The following COL8A1 variants were observed in gnomAD, a reference collection of about 807,000 sequenced individuals.
The protein encoded by COL8A1 is collagen alpha-1(VIII) chain.
A neutral mutation model predicts 42.7 loss-of-function variants in COL8A1; 21 were observed. That is an observed-to-expected ratio of 0.49 (90% CI 0.35 to 0.71). COL8A1 has a LOEUF of 0.71. Among genes scored for constraint, COL8A1 ranks in the 30% least tolerant of loss-of-function variants. The probability of loss-of-function intolerance (pLI) is 0.01; values close to 1 mark genes in which losing one functional copy is unlikely to be tolerated. For missense variants in COL8A1, 788 were observed against 962.4 expected (o/e 0.82, Z 2.40); for synonymous variants, 367 against 369.1 (o/e 0.99, Z 0.06).
At chr3:99,761,408 C>G (rs1160780869) in intron 2 of COL8A1, among the ~76,000 whole-genome samples, 1 of 152,064 alleles carries the variant, frequency 6.6e-6, no homozygotes, top group East Asian at 1.9e-4. Context: ...AATGAAGAGA[C>G]TGAGATTGAC....
chr3:99,721,497 C>G (rs1940154892), intron 1 of COL8A1, among the ~76,000 whole-genome samples: 1 of 151,190 alleles, frequency 6.6e-6, no homozygotes, highest in East Asian at 2.0e-4. Flanking sequence ...CCTGGATGGT[C>G]AGGGCTGAGA....
chr3:99,754,892 C>A (rs1293962562), intron 2 of COL8A1, among the ~76,000 whole-genome samples: 5 of 152,138 alleles, frequency 3.3e-5, no homozygotes, highest in Admixed American at 3.3e-4. Context: ...TTTCTTTGCA[C>A]CTGTATATGT....
At chr3:99,701,405 A>G (rs1939532964) in intron 1 of COL8A1, among the ~76,000 whole-genome samples, 1 of 152,150 alleles carries the variant, frequency 6.6e-6, no homozygotes, top group Non-Finnish European at 1.5e-5. Context: ...CCCTACACAT[A>G]ATGGGTGAGA....
chr3:99,702,979 G>A (rs1358482870), intron 1 of COL8A1, among the ~76,000 whole-genome samples: 3 of 152,172 alleles, frequency 2.0e-5, no homozygotes, highest in Non-Finnish European at 4.4e-5. Context: ...TTTGAATGGG[G>A]GGCATGTTTG....
At chr3:99,727,661 T>C (rs1940374761) in intron 1 of COL8A1, among the ~76,000 whole-genome samples, 1 of 152,006 alleles carries the variant, frequency 6.6e-6, no homozygotes, top group African/African-American at 2.4e-5. Flanking sequence ...GTCATCCTGA[T>C]ACCAAAGCCT....
chr3:99,742,282 G>A (rs1392064235), intron 1 of COL8A1, among the ~76,000 whole-genome samples: 1 of 152,144 alleles, frequency 6.6e-6, no homozygotes, highest in Non-Finnish European at 1.5e-5. Context: ...TTATGCAGCT[G>A]CTGTGTGGAG....
Position 99,794,195 on chromosome 3 carries a change from C to CCCCATACCCCTTCTCTCTCTTCTCTT in COL8A1, c.329-30_329-5dup, listed in dbSNP as rs771915472. 3.6e-6 allele frequency: 5 copies of CCCCATACCCCTTCTCTCTCTTCTCTT among 1,380,752 alleles called. No homozygotes were observed. The African/African-American group carries it at 7.2e-5, about 20-fold the overall frequency. The allele number at this position is 1,380,752 out of a possible 1,614,324, so 85.5% of individuals were successfully genotyped here. A position where few individuals can be genotyped will look rare whatever the true frequency, so the allele number is the denominator to read the frequency against. On this transcript the variant is annotated intron_variant, in intron 3 of 3. Coordinates refer to ENST00000652472, the MANE Select transcript of COL8A1 (RefSeq NM_020351.4). This position sits in a 1 kb window ranked among gnomAD's most constrained non-coding sequence, Gnocchi z 4.3. The stretch of plus-strand genomic sequence containing the variant: ...TCTACTAATCAATCTCTCTCTCTCC[C>CCCCATACCCCTTCTCTCTCTTCTCTT]CCCATACCCCTTCTCTCTCTTCTCT...
chr3:99,743,821 AC>A (rs1335340282), intron 1 of COL8A1, among the ~76,000 whole-genome samples: 3 of 152,198 alleles, frequency 2.0e-5, no homozygotes, highest in Admixed American at 2.0e-4. Context: ...TAAATTTGAT[AC>A]CCAGTTCTGC....
chr3:99,756,604 A>G (rs1941258042), intron 2 of COL8A1, among the ~76,000 whole-genome samples: 1 of 152,204 alleles, frequency 6.6e-6, no homozygotes, highest in Admixed American at 6.5e-5. Context: ...TGAGATTTAT[A>G]CTCTTGAGAA....
chr3:99,696,522 G>A (rs1939371402), intron 1 of COL8A1, among the ~76,000 whole-genome samples: 3 of 152,208 alleles, frequency 2.0e-5, no homozygotes, highest in East Asian at 1.9e-4. Flanking sequence ...GCCAAGGAGG[G>A]AAACCAAAGA....
At chr3:99,733,240 T>C (rs1006719789) in intron 1 of COL8A1, among the ~76,000 whole-genome samples, 1 of 150,972 alleles carries the variant, frequency 6.6e-6, no homozygotes, top group Admixed American at 6.6e-5. Context: ...GCTGGTGTGC[T>C]GCACCCACTA....
intron 1 of COL8A1, among the ~76,000 whole-genome samples, chr3:99,726,988 T>A (rs1046445624): frequency 6.7e-6 from 1 of 150,248 alleles, no homozygotes; most frequent in Non-Finnish European, 1.5e-5. Flanking sequence ...CATTGAATCT[T>A]TAAATTACCT....
chr3:99,641,334 G>T (rs1439318281), intron 1 of COL8A1, among the ~76,000 whole-genome samples: 1 of 152,076 alleles, frequency 6.6e-6, no homozygotes, highest in East Asian at 1.9e-4. Context: ...TTTGTTTGTT[G>T]TTTTTTAATC....
At chr3:99,667,505 C>T (rs951194539) in intron 1 of COL8A1, among the ~76,000 whole-genome samples, 2 of 152,234 alleles carry the variant, frequency 1.3e-5, no homozygotes, top group East Asian at 3.9e-4. Context: ...GATCATCTGT[C>T]GCTTACAATT....
rs1056441532 is a variant in COL8A1 at position 99,664,827 on chromosome 3, C to T, written c.-129+26163C>T. On this transcript the variant is annotated intron_variant, in intron 1 of 3. Transcript: ENST00000652472. ...CAAATATTTATGCATGGCCATGCAGCCCCAGTGCTGCTTCTCTCCAGGACA... is the reference window on the plus strand; with the variant it reads ...CAAATATTTATGCATGGCCATGCAGTCCCAGTGCTGCTTCTCTCCAGGACA... Among the ~76,000 whole-genome samples, 10 of 152,346 alleles carry T rather than the reference C, an allele frequency of 6.6e-5. No individual in the cohort carries two copies. In the Middle Eastern group the frequency reaches 0.01, roughly 155 times the overall value.
intron 1 of COL8A1, among the ~76,000 whole-genome samples, chr3:99,694,264 T>C (rs893917574): frequency 6.6e-6 from 1 of 151,998 alleles, no homozygotes; most frequent in Non-Finnish European, 1.5e-5. Flanking sequence ...AGGCAGATCA[T>C]TTGAGGTCAG....
At chr3:99,737,176 C>T (rs971851817) in intron 1 of COL8A1, among the ~76,000 whole-genome samples, 1 of 152,194 alleles carries the variant, frequency 6.6e-6, no homozygotes, top group African/African-American at 2.4e-5. Context: ...TGCGACTTGA[C>T]TCTTTATCCA....
chr3:99,733,916 C>T (rs1365461324), intron 1 of COL8A1, among the ~76,000 whole-genome samples: 2 of 152,068 alleles, frequency 1.3e-5, no homozygotes, highest in South Asian at 2.1e-4. Flanking sequence ...TGAGCATTTT[C>T]TCATGTGTTT....
rs1942109790 is a variant in COL8A1, at chr3:99,796,423, A to T, written c.*287A>T. On this transcript the variant is annotated 3_prime_UTR_variant, in exon 4 of 4. Coordinates refer to ENST00000652472, the MANE Select transcript of COL8A1 (RefSeq NM_020351.4). ...TAGCTGTTTTATGTTATATGCTTCC[A>T]CAGTAACCTGCTTATTCAGATCAGT... 7.6e-6 allele frequency: 2 copies of T among 262,200 alleles called. No individual in the cohort carries two copies. Among genetic ancestry groups the T allele is most frequent in the Admixed American group, 9.6e-5 (2 of 20,826 alleles). 16.2% of individuals were successfully genotyped at this position (262,200 alleles called of 1,614,324 possible).
Sources: gnomAD v4.1 joint callset for allele counts (sites outside exome capture counted in the v4.1 genomes callset) on GRCh38, gnomAD v4.1.1 for gene constraint, Gnocchi (gnomAD v3.1) non-coding constraint, MANE v1.5 for transcripts, NCBI Gene and HGNC (gene_info 2026-07-23, HGNC 2026-07-21) for gene names.